Variants in KIAA1549 observed in about 807,000 individuals in gnomAD.
KIAA1549 encodes UPF0606 protein KIAA1549.
KIAA1549 carries 70 observed loss-of-function variants against 156.4 expected under a neutral mutation model. That is an observed-to-expected ratio of 0.45 (90% confidence interval 0.37 to 0.55). KIAA1549 has a LOEUF of 0.55. Ranked by LOEUF, KIAA1549 falls within the 20% of genes least tolerant of loss-of-function variation. The probability of loss-of-function intolerance (pLI) is 0.00; values close to 1 mark genes in which losing one functional copy is unlikely to be tolerated. For missense variants in KIAA1549, 2,428 were observed against 2,540.9 expected (o/e 0.96, Z 0.96); for synonymous variants, 1,103 against 1,066.4 (o/e 1.03, Z -0.67).
At chr7:138,898,804 G>A (rs1811759983) in intron 9 of KIAA1549, 151 bp downstream of exon 9, 1 of 677,176 alleles carries the variant, frequency 1.5e-6, no homozygotes, top group Non-Finnish European at 2.5e-6. Flanking sequence ...AAATAAAGAA[G>A]GTCTTGGTGA....
At position 138,918,743 on chromosome 7, in the gene KIAA1549, C is replaced by A; in HGVS notation, c.883G>T (p.Asp295Tyr). 1.2e-6 allele frequency: 2 copies of A among 1,613,722 alleles called. No homozygotes were observed. The highest frequency in any genetic ancestry group is 1.7e-6 in the Non-Finnish European group (2 of 1,179,826). Residue 295 changes from aspartate to tyrosine, a missense_variant, in exon 2 of 20, where the codon GAC becomes TAC. Asp to Tyr is a radical substitution (Grantham distance 160). Coordinates refer to ENST00000422774, the MANE Select transcript of KIAA1549 (RefSeq NM_001164665.2). This position sits in a 1 kb window ranked among gnomAD's most constrained non-coding sequence, Gnocchi z 4.2. ...GAGGGCAACGGTATAGTAATGCCGT[C>A]GCCTAACGGCTGTGGCATTAAAGAC... ...SRSLMPQPLGDGITIPLPSLG... is the reference protein window; with the variant it reads ...SRSLMPQPLGYGITIPLPSLG...
chr7:138,956,920 G>C (rs1487254860), intron 1 of KIAA1549, among the ~76,000 whole-genome samples: 1 of 96,142 alleles, frequency 1.0e-5, no homozygotes, highest in Non-Finnish European at 1.9e-5. Context: ...CCAGGTGGAG[G>C]GGCTAAGGCA....
At chr7:138,964,549 G>C (rs922726713) in intron 1 of KIAA1549, among the ~76,000 whole-genome samples, 1 of 152,152 alleles carries the variant, frequency 6.6e-6, no homozygotes, top group Non-Finnish European at 1.5e-5. Flanking sequence ...ATAATTGTTG[G>C]GTATTATTAT....
At chr7:138,950,203 T>C (rs1383029238) in intron 1 of KIAA1549, among the ~76,000 whole-genome samples, 1 of 152,266 alleles carries the variant, frequency 6.6e-6, no homozygotes, top group African/African-American at 2.4e-5. Context: ...TGAAAATTCA[T>C]TGTATACTTA....
intron 1 of KIAA1549, among the ~76,000 whole-genome samples, chr7:138,969,887 C>G (rs1441684333): frequency 6.6e-6 from 1 of 152,208 alleles, no homozygotes; most frequent in African/African-American, 2.4e-5. Flanking sequence ...CCATGAGATG[C>G]TTTGATACAG....
intron 1 of KIAA1549, among the ~76,000 whole-genome samples, chr7:138,924,612 C>T (rs929447786): frequency 6.6e-6 from 1 of 152,078 alleles, no homozygotes; most frequent in Admixed American, 6.5e-5. Flanking sequence ...ATGACGGGAA[C>T]AAAAACTTCG....
chr7:138,898,921 G>C (rs765859185), intron 9 of KIAA1549, 34 bp downstream of exon 9: 7 of 1,607,756 alleles, frequency 4.4e-6, no homozygotes, highest in Non-Finnish European at 6.0e-6. Flanking sequence ...GCCCAGCACA[G>C]CACAGCACAG....
chr7:138,959,454 C>T (rs2130553601), intron 1 of KIAA1549, among the ~76,000 whole-genome samples: 1 of 152,282 alleles, frequency 6.6e-6, no homozygotes, highest in East Asian at 1.9e-4. Context: ...CAGAGAGGCC[C>T]AACCTGCATA....
intron 12 of KIAA1549, among the ~76,000 whole-genome samples, chr7:138,877,251 T>C (rs9918678): frequency 0.12 from 18,781 of 152,250 alleles, 1,503 homozygotes; most frequent in East Asian, 0.22. Flanking sequence ...CCCAGCACTT[T>C]GGGAGGCCGA....
chr7:138,881,308 CCT>C (rs1811235232), intron 11 of KIAA1549, 78 bp downstream of exon 11: 2 of 1,398,758 alleles, frequency 1.4e-6, no homozygotes, highest in African/African-American at 1.4e-5. Context: ...ACCATCAGCC[CCT>C]GTGACATCAG....
At chr7:138,898,748 T>C (rs1208103766) in intron 9 of KIAA1549, among the ~76,000 whole-genome samples, 1 of 152,062 alleles carries the variant, frequency 6.6e-6, no homozygotes, top group African/African-American at 2.4e-5. Flanking sequence ...AAATGCTAGG[T>C]AGAAAAAACA....
intron 1 of KIAA1549, among the ~76,000 whole-genome samples, chr7:138,942,136 T>C (rs1813202072): frequency 6.6e-6 from 1 of 152,134 alleles, no homozygotes; most frequent in East Asian, 1.9e-4. Context: ...TAGCAGGTGG[T>C]GGACCCAGTA....
At chr7:138,849,785 G>A (rs2130345397) in intron 17 of KIAA1549, among the ~76,000 whole-genome samples, 1 of 152,082 alleles carries the variant, frequency 6.6e-6, no homozygotes, top group East Asian at 1.9e-4. Flanking sequence ...TCATCATTTA[G>A]CCCCCACTTA....
chr7:138,877,113 G>A (rs558052691), intron 12 of KIAA1549, among the ~76,000 whole-genome samples: 2 of 152,244 alleles, frequency 1.3e-5, no homozygotes, highest in East Asian at 3.9e-4. Flanking sequence ...GCTCCATAAT[G>A]GATCTCAAGC....
chr7:138,871,576 G>A (rs1015572649), intron 12 of KIAA1549, among the ~76,000 whole-genome samples: 9 of 152,144 alleles, frequency 5.9e-5, no homozygotes, highest in African/African-American at 1.9e-4. Flanking sequence ...AAAATTACAA[G>A]TACCCTAAGA....
At chr7:138,966,307 T>C (rs1814023350) in intron 1 of KIAA1549, among the ~76,000 whole-genome samples, 1 of 152,118 alleles carries the variant, frequency 6.6e-6, no homozygotes, top group Non-Finnish European at 1.5e-5. Context: ...GGGAACGCCA[T>C]GTAAAGACTG....
intron 1 of KIAA1549, among the ~76,000 whole-genome samples, 199 bp from the exon 2 acceptor site, chr7:138,919,637 C>T (rs1812497062): frequency 6.6e-6 from 1 of 152,122 alleles, no homozygotes; most frequent in Non-Finnish European, 1.5e-5. Flanking sequence ...TGCAAATATT[C>T]CTAAACTTGG....
At chr7:138,905,373 T>C (rs1181790816) in intron 6 of KIAA1549, among the ~76,000 whole-genome samples, 1 of 152,222 alleles carries the variant, frequency 6.6e-6, no homozygotes, top group African/African-American at 2.4e-5. Context: ...CAGCAATCCA[T>C]GTTCACACCG....
chr7:138,898,928 A>G, intron 9 of KIAA1549, 27 bp downstream of exon 9: 1 of 1,610,622 alleles, frequency 6.2e-7, no homozygotes, highest in Non-Finnish European at 8.5e-7. Flanking sequence ...ACAGCACAGC[A>G]CAGACGACAA....
Sources: gnomAD v4.1 joint callset for allele counts (sites outside exome capture counted in the v4.1 genomes callset) on GRCh38, gnomAD v4.1.1 for gene constraint, Gnocchi (gnomAD v3.1) non-coding constraint, MANE v1.5 for transcripts, NCBI Gene and HGNC (gene_info 2026-07-23, HGNC 2026-07-21) for gene names.